ELMO3: variants seen among roughly 807,000 people sequenced by gnomAD.
The protein encoded by ELMO3 is engulfment and cell motility protein 3.
In ELMO3, 81 loss-of-function variants were observed where a neutral mutation model predicts 89.0. The observed-to-expected ratio is 0.91, with a 90% CI of 0.76 to 1.09. ELMO3 has a LOEUF of 1.09. Ranked by LOEUF, ELMO3 falls within the 50% of genes least tolerant of loss-of-function variation. ELMO3 has a pLI of 0.00. For missense variants in ELMO3, 959 were observed against 972.8 expected, an observed-to-expected ratio of 0.99 and a Z score of 0.19; for synonymous variants, 406 against 400.6, an observed-to-expected ratio of 1.01 and a Z score of -0.16.
At chr16:67,199,479 C>CGG in intron 1 of ELMO3, 74 bp from the exon 2 acceptor site, 56 of 1,426,862 alleles carry the variant, frequency 3.9e-5, no homozygotes, top group Non-Finnish European at 4.8e-5. Flanking sequence ...CGGGGCAGCC[C>CGG]GCCCCACCCC....
Position 67,203,973 on chromosome 16 carries a change from C to T in ELMO3, c.*96C>T, listed in dbSNP as rs1350061395. 5.3e-6 allele frequency: 6 copies of T among 1,122,940 alleles called. No individual in the cohort carries two copies. The African/African-American group carries it at 6.3e-5, about 12-fold the overall frequency. 69.6% of individuals were successfully genotyped at this position (1,122,940 alleles called of 1,614,324 possible). A position where few individuals can be genotyped will look rare whatever the true frequency, so the allele number is the denominator to read the frequency against. ...CAGGCACCCTGACCAGCAGAGATTG[C>T]TGCAGAAATAAAGTCTGCTTGGCTC... is the stretch of plus-strand genomic sequence containing the variant. On this transcript the variant is annotated 3_prime_UTR_variant, in exon 20 of 20. Transcript: ENST00000393997. The surrounding 1 kb of genome is among the most constrained non-coding windows in gnomAD (Gnocchi z 4.6).
At chr16:67,201,707 T>G in intron 10 of ELMO3, 35 bp from the exon 11 acceptor site, 3 of 1,607,780 alleles carry the variant, frequency 1.9e-6, no homozygotes, top group Non-Finnish European at 2.5e-6. Flanking sequence ...TCTATAATCT[T>G]GATCCCCTCC....
chr16:67,202,839 G>A, intron 15 of ELMO3, 49 bp downstream of exon 15: 1 of 1,611,590 alleles, frequency 6.2e-7, no homozygotes, highest in Non-Finnish European at 8.5e-7. Context: ...CTTCCTTGGT[G>A]CCCCCTGGGC....
Position 67,201,514 on chromosome 16 carries a change from C to G in ELMO3, c.796-6C>G. Reference sequence around the variant, plus strand: ...TCGCTTACACCAGGGACTGGCTGTCCTGCAGAACATCATCCACAGTGCAGC... The same window carrying G: ...TCGCTTACACCAGGGACTGGCTGTCGTGCAGAACATCATCCACAGTGCAGC... On this transcript the variant is annotated splice_region_variant and splice_polypyrimidine_tract_variant and intron_variant, in intron 9 of 19. Coordinates refer to ENST00000393997, the MANE Select transcript of ELMO3 (RefSeq NM_024712.5). 1 of 1,614,038 alleles carries G rather than the reference C, an allele frequency of 6.2e-7. No homozygotes were observed. Among genetic ancestry groups the G allele is most frequent in the Non-Finnish European group, 8.5e-7 (1 of 1,179,972 alleles).
Position 67,203,987 on chromosome 16 carries a change from TCTG to T in ELMO3, c.*113_*115del. On this transcript the variant is annotated 3_prime_UTR_variant, in exon 20 of 20. Transcript: ENST00000393997. The surrounding 1 kb of genome is among the most constrained non-coding windows in gnomAD (Gnocchi z 4.6). Reference sequence around the variant, plus strand: ...AGCAGAGATTGCTGCAGAAATAAAGTCTGCTTGGCTCTTGGGATATGTTGAGCC... The same window carrying T: ...AGCAGAGATTGCTGCAGAAATAAAGTCTTGGCTCTTGGGATATGTTGAGCC... 1 of 1,019,954 alleles carries T rather than the reference TCTG, an allele frequency of 9.8e-7. No homozygotes were observed. The highest frequency in any genetic ancestry group is 2.8e-5 in the Admixed American group (1 of 35,584). The allele number at this position is 1,019,954 out of a possible 1,614,324, so 63.2% of individuals were successfully genotyped here.
In ELMO3 at chr16:67,202,791, GT is replaced by G; in HGVS notation, c.1562+2del. 9.3e-6 allele frequency: 15 copies of G among 1,613,146 alleles called. No individual in the cohort carries two copies. Among genetic ancestry groups the G allele is most frequent in the Non-Finnish European group, 1.3e-5 (15 of 1,179,734 alleles). On this transcript the variant is annotated splice_donor_variant, in intron 15 of 19. Coordinates refer to ENST00000393997, the MANE Select transcript of ELMO3 (RefSeq NM_024712.5). LOFTEE classifies it high-confidence loss of function. ...AGGGCACACTGGCTCCCCCTATACT[GT>G]GAGTCTGGGGGGATGGATCCTCAGT... is the stretch of plus-strand genomic sequence containing the variant.
chr16:67,201,048 C>CTTT, intron 8 of ELMO3, 80 bp downstream of exon 8: 5 of 1,414,124 alleles, frequency 3.5e-6, no homozygotes, highest in African/African-American at 3.1e-5. Flanking sequence ...TCTAAGCCCC[C>CTTT]CTTTTTTTTT....
rs1249831274 is a variant in ELMO3 at position 67,201,364 on chromosome 16, CCTTT to C, written c.745-14_745-11del. ...GAGCCACCGCGCCCAGCCTAAGCCC[CCTTT>C]CTTTCTACCCCCTCAGCACATGCTT... On this transcript the variant is annotated splice_polypyrimidine_tract_variant and intron_variant, in intron 8 of 19. Transcript: ENST00000393997. 10 of 1,613,598 alleles carry C rather than the reference CCTTT, an allele frequency of 6.2e-6. No individual in the cohort carries two copies. The Admixed American group carries it at 8.3e-5, about 13-fold the overall frequency.
chr16:67,200,442 C>A lies in ELMO3; in HGVS notation c.414-9C>A. Reference sequence around the variant, plus strand: ...TGGTCCTGCTCAGCCCCAGATGTCCCCCCTCCAGCCTAGGAGAGGTGCTGG... The same window carrying A: ...TGGTCCTGCTCAGCCCCAGATGTCCACCCTCCAGCCTAGGAGAGGTGCTGG... On this transcript the variant is annotated splice_polypyrimidine_tract_variant and intron_variant, in intron 5 of 19. Coordinates refer to ENST00000393997, the MANE Select transcript of ELMO3 (RefSeq NM_024712.5). 2 of 1,611,838 alleles carry A rather than the reference C, an allele frequency of 1.2e-6. No homozygotes were observed. Among genetic ancestry groups the A allele is most frequent in the Non-Finnish European group, 1.7e-6 (2 of 1,178,472 alleles).
In ELMO3 at chr16:67,202,206, A is replaced by G; in HGVS notation, c.1183A>G (p.Lys395Glu). Residue 395 changes from lysine (K) to glutamate (E), a missense_variant, in exon 13 of 20, where the codon AAG becomes GAG. Lys to Glu is a moderately conservative substitution (Grantham distance 56). Transcript: ENST00000393997. ...FVLENSSRED[K>E]HECPFARGSI... is the part of the protein sequence containing the mutation. ...GTTGGAGAACAGCAGCCGCGAGGAC[A>G]AGCACGAGTGCCCCTTTGCCCGGGG... 6.2e-7 allele frequency: 1 copy of G among 1,604,684 alleles called. No homozygotes were observed. The highest frequency in any genetic ancestry group is 8.5e-7 in the Non-Finnish European group (1 of 1,173,850).
In ELMO3 at chr16:67,201,874, G is replaced by T. The variant is rs2033120322; in HGVS notation, c.1050+1G>T. 6.2e-7 allele frequency: 1 copy of T among 1,606,724 alleles called. No individual in the cohort carries two copies. On this transcript the variant is annotated splice_donor_variant, in intron 11 of 19. Transcript: ENST00000393997. LOFTEE classifies it high-confidence loss of function. ...AGAGTTCCGCAAACTGGGCTTTTCT[G>T]TGAGTATCACCCCTACCCAACTCCC...
rs112185805 is a variant in ELMO3 at position 67,201,976 on chromosome 16, G to T, written c.1051-1G>T. 6.2e-7 allele frequency: 1 copy of T among 1,612,700 alleles called. No individual in the cohort carries two copies. The highest frequency in any genetic ancestry group is 8.5e-7 in the Non-Finnish European group (1 of 1,179,860). Reference sequence around the variant, plus strand: ...GAACTGCCTGTGCCCACTTCCCCCAGAACAGCAACCCAGCACAGGACCTGG... The same window carrying T: ...GAACTGCCTGTGCCCACTTCCCCCATAACAGCAACCCAGCACAGGACCTGG... On this transcript the variant is annotated splice_acceptor_variant, in intron 11 of 19. Transcript: ENST00000393997. LOFTEE classifies it high-confidence loss of function.
rs757559240 is a variant in ELMO3, at chr16:67,199,192, C to T, written c.-135C>T. ...CATGGCCAGGAGCAGCAGTCTGGGC[C>T]GCGAGTGCGGGACACCGAGGTCAGG... On this transcript the variant is annotated 5_prime_UTR_variant, in exon 1 of 20. Transcript: ENST00000393997. 1 of 1,610,866 alleles carries T rather than the reference C, an allele frequency of 6.2e-7. No individual in the cohort carries two copies. Among genetic ancestry groups the T allele is most frequent in the African/African-American group, 1.3e-5 (1 of 75,038 alleles).
rs759041690 is a variant in ELMO3, at chr16:67,199,625, G to A, written c.119+32G>A. On this transcript the variant is annotated intron_variant, in intron 2 of 19. Coordinates refer to ENST00000393997, the MANE Select transcript of ELMO3 (RefSeq NM_024712.5). ...GCTGCCGGGCCAGGGCCTGCGGAGG[G>A]CGGGAGGGCAGGAGGGGCGGCGCCC... The A allele has an allele frequency of 6.8e-6, 11 of 1,608,400 alleles. No homozygotes were observed. The Admixed American group carries it at 1.7e-4, about 24-fold the overall frequency.
In ELMO3 at chr16:67,203,698, C is replaced by T; in HGVS notation, c.1984C>T (p.Leu662=). Residue 662 remains leucine, a synonymous_variant, in exon 20 of 20, where the codon CTG becomes TTG. Coordinates refer to ENST00000393997, the MANE Select transcript of ELMO3 (RefSeq NM_024712.5). The surrounding 1 kb of genome is among the most constrained non-coding windows in gnomAD (Gnocchi z 4.6). ...GTGGACAGATGGGCTCAGTGCCTTG[C>T]TGGGCAGTCCCATGGGCAGCGAGCA... ...YLWTDGLSAL[L]GSPMGSEQTR... The T allele has an allele frequency of 6.2e-7, 1 of 1,613,782 alleles. No homozygotes were observed. Among genetic ancestry groups the T allele is most frequent in the Non-Finnish European group, 8.5e-7 (1 of 1,179,996 alleles).
At chr16:67,201,025 T>A in intron 8 of ELMO3, 57 bp downstream of exon 8, 1 of 1,531,040 alleles carries the variant, frequency 6.5e-7, no homozygotes, top group Non-Finnish European at 8.8e-7. Flanking sequence ...TGCCCCACCC[T>A]GAAGCAAAAT....
At chr16:67,201,353 A>G (rs200085882) in intron 8 of ELMO3, 32 bp from the exon 9 acceptor site, 21,830 of 1,611,888 alleles carry the variant, frequency 0.014, 183 homozygotes, top group Non-Finnish European at 0.015. Context: ...CACCGCGCCC[A>G]GCCTAAGCCC....
chr16:67,202,715 T>C lies in ELMO3; in HGVS notation c.1487T>C (p.Leu496Pro). 1 of 1,613,578 alleles carries C rather than the reference T, an allele frequency of 6.2e-7. No individual in the cohort carries two copies. Among genetic ancestry groups the C allele is most frequent in the South Asian group, 1.1e-5 (1 of 91,064 alleles). The change falls in exon 15 of 20, where the codon CTC (leucine) becomes CCC (proline). Residue 496 changes from leucine to proline, a missense_variant. Coordinates refer to ENST00000393997, the MANE Select transcript of ELMO3 (RefSeq NM_024712.5). ...LELFRTKVNA[L>P]TYGEVLRLRQ... ...CTCTTCCGAACCAAGGTGAATGCGC[T>C]CACTTATGGGGAGGTGCTGCGGCTG...
In ELMO3 at chr16:67,201,649, G is replaced by A. The variant is rs772588917; in HGVS notation, c.918+7G>A. 6.2e-7 allele frequency: 1 copy of A among 1,611,756 alleles called. No homozygotes were observed. On this transcript the variant is annotated splice_region_variant and intron_variant, in intron 10 of 19. Coordinates refer to ENST00000393997, the MANE Select transcript of ELMO3 (RefSeq NM_024712.5). The stretch of plus-strand genomic sequence containing the variant: ...CCTGGACCCCTACAGCCAGGTGTGT[G>A]TCTTTGGTGAGGACAAGGCAGGGGG...
Sources: gnomAD v4.1 joint callset for allele counts on GRCh38, gnomAD v4.1.1 for gene constraint, Gnocchi (gnomAD v3.1) non-coding constraint, MANE v1.5 for transcripts, NCBI Gene and HGNC (gene_info 2026-07-23, HGNC 2026-07-21) for gene names.